ST6GALNAC5: variants seen among roughly 807,000 people sequenced by gnomAD.
ST6GALNAC5 encodes alpha-N-acetylgalactosaminide alpha-2,6-sialyltransferase 5.
In ST6GALNAC5, 27 loss-of-function variants were observed where a neutral mutation model predicts 33.6. The ratio of observed to expected loss-of-function variants is 0.80; its 90% CI spans 0.59 to 1.11. The LOEUF (loss-of-function observed/expected upper bound fraction) is 1.11, where lower values mean the gene tolerates loss of function less well. Ranked by LOEUF, ST6GALNAC5 falls within the 50% of genes least tolerant of loss-of-function variation. ST6GALNAC5 has a pLI of 0.00. For missense variants in ST6GALNAC5, 428 were observed against 454.0 expected, an observed-to-expected ratio of 0.94 and a Z score of 0.52; for synonymous variants, 194 against 171.2, an observed-to-expected ratio of 1.13 and a Z score of -1.04.
intron 2 of ST6GALNAC5, among the ~76,000 whole-genome samples, chr1:77,007,681 GCCAGAAGGCAGATGCAAA>G (rs1650475920): frequency 6.6e-6 from 1 of 152,232 alleles, no homozygotes; most frequent in Non-Finnish European, 1.5e-5. Flanking sequence ...GTATTTAAAT[GCCAGAAGGCAGATGCAAA>G]CCTGTGGGAG....
intron 2 of ST6GALNAC5, among the ~76,000 whole-genome samples, chr1:76,927,371 G>A (rs1024603560): frequency 6.6e-6 from 1 of 152,034 alleles, no homozygotes; most frequent in African/African-American, 2.4e-5. Flanking sequence ...AGGATAGTGA[G>A]GCGATGAAGA....
At chr1:76,872,275 C>T (rs1184857733) in intron 2 of ST6GALNAC5, among the ~76,000 whole-genome samples, 1 of 152,090 alleles carries the variant, frequency 6.6e-6, no homozygotes, top group Non-Finnish European at 1.5e-5. Flanking sequence ...AAACCGTGAG[C>T]TAATTCCCAT....
At chr1:76,893,821 C>T (rs974547158) in intron 2 of ST6GALNAC5, among the ~76,000 whole-genome samples, 38 of 152,022 alleles carry the variant, frequency 2.5e-4, no homozygotes, top group African/African-American at 8.7e-4. Context: ...CCACCAAATC[C>T]GGCTAATTTT....
chr1:77,024,655 C>T (rs1031850685), intron 2 of ST6GALNAC5, among the ~76,000 whole-genome samples: 5 of 152,276 alleles, frequency 3.3e-5, no homozygotes, highest in Middle Eastern at 3.4e-3. Flanking sequence ...CTAGGGATTT[C>T]GCAAGGGACT....
chr1:77,014,563 G>A (rs1650753932), intron 2 of ST6GALNAC5, among the ~76,000 whole-genome samples: 1 of 152,236 alleles, frequency 6.6e-6, no homozygotes, highest in Admixed American at 6.5e-5. Context: ...AATGGAATGT[G>A]TGCTTGTCCA....
At chr1:76,956,074 A>G (rs1345086342) in intron 2 of ST6GALNAC5, among the ~76,000 whole-genome samples, 1 of 152,176 alleles carries the variant, frequency 6.6e-6, no homozygotes, top group Non-Finnish European at 1.5e-5. Context: ...ATTGTAGGAA[A>G]TTGGGAAAAT....
At chr1:77,032,369 G>C (rs1044549687) in intron 2 of ST6GALNAC5, among the ~76,000 whole-genome samples, 1 of 152,166 alleles carries the variant, frequency 6.6e-6, no homozygotes, top group African/African-American at 2.4e-5. Context: ...TTAGAGGCAT[G>C]GCAGTGACTG....
intron 2 of ST6GALNAC5, among the ~76,000 whole-genome samples, chr1:76,905,656 G>A (rs948035379): frequency 6.6e-6 from 1 of 152,140 alleles, no homozygotes; most frequent in Non-Finnish European, 1.5e-5. Flanking sequence ...TCTATGTGTT[G>A]ATAATGACTA....
chr1:76,927,465 T>G (rs530847995), intron 2 of ST6GALNAC5, among the ~76,000 whole-genome samples: 1 of 152,172 alleles, frequency 6.6e-6, no homozygotes, highest in East Asian at 1.9e-4. Context: ...AACTGTTTCC[T>G]TTATCACTAT....
intron 2 of ST6GALNAC5, among the ~76,000 whole-genome samples, chr1:76,894,634 G>A (rs983593089): frequency 1.3e-5 from 2 of 152,196 alleles, no homozygotes; most frequent in Admixed American, 1.3e-4. Context: ...TCTTTCAGCA[G>A]TACAGCTTCA....
At chr1:76,910,372 A>AT (rs1389975954) in intron 2 of ST6GALNAC5, among the ~76,000 whole-genome samples, 4 of 151,964 alleles carry the variant, frequency 2.6e-5, no homozygotes, top group East Asian at 1.9e-4. Flanking sequence ...AAGATGTGTG[A>AT]TTTTTTTAAT....
chr1:76,974,207 C>CTT (rs766393000), intron 2 of ST6GALNAC5, among the ~76,000 whole-genome samples: 27 of 120,268 alleles, frequency 2.2e-4, no homozygotes, highest in Non-Finnish European at 2.8e-4. Context: ...TTGCTTTTCA[C>CTT]TTTTTTTTTT....
chr1:77,004,815 G>T (rs1454991138), intron 2 of ST6GALNAC5, among the ~76,000 whole-genome samples: 1 of 130,390 alleles, frequency 7.7e-6, no homozygotes, highest in Non-Finnish European at 1.8e-5. Context: ...GGGGTCAGGG[G>T]TCAGGGACCC....
intron 2 of ST6GALNAC5, among the ~76,000 whole-genome samples, chr1:77,041,699 C>G (rs1364151364): frequency 6.6e-6 from 1 of 152,214 alleles, no homozygotes; most frequent in South Asian, 2.1e-4. Flanking sequence ...ACTTTCTGGA[C>G]ATCTGGAATG....
intron 2 of ST6GALNAC5, among the ~76,000 whole-genome samples, chr1:76,887,112 C>T (rs1248762752): frequency 6.6e-6 from 1 of 152,072 alleles, no homozygotes; most frequent in East Asian, 1.9e-4. Context: ...CCATGGAGGC[C>T]GTGCTACTTC....
At chr1:76,917,276 T>C (rs939359930) in intron 2 of ST6GALNAC5, among the ~76,000 whole-genome samples, 2 of 152,108 alleles carry the variant, frequency 1.3e-5, no homozygotes, top group Non-Finnish European at 2.9e-5. Context: ...AAGATAAGTC[T>C]AAAAGAACCA....
At chr1:76,949,712 G>T (rs150835736) in intron 2 of ST6GALNAC5, among the ~76,000 whole-genome samples, 37 of 152,196 alleles carry the variant, frequency 2.4e-4, no homozygotes, top group South Asian at 1.9e-3. Context: ...TGATCAACTC[G>T]AGAGGCATCC....
chr1:76,929,630 A>C (rs1647119108), intron 2 of ST6GALNAC5, among the ~76,000 whole-genome samples: 1 of 152,128 alleles, frequency 6.6e-6, no homozygotes, highest in Admixed American at 6.5e-5. Context: ...GTGCATTACG[A>C]TAGCTGCTAG....
rs74090518 is a variant in ST6GALNAC5 at position 76,953,828 on chromosome 1, T to G, written c.261+85086T>G. ...ATCCATTATGAATTAATTTTTCATG[T>G]GGTGTGAGGTTTTAAATCAAGGTTC... On this transcript the variant is annotated intron_variant, in intron 2 of 4. Coordinates refer to ENST00000477717, the MANE Select transcript of ST6GALNAC5 (RefSeq NM_030965.3). Among the ~76,000 whole-genome samples the G allele has an allele frequency of 3.8e-3, 586 of 152,282 alleles. 5 individuals carry two copies. The highest frequency in any genetic ancestry group is 0.014 in the African/African-American group (562 of 41,576).
Sources: allele counts gnomAD v4.1 joint callset (sites outside exome capture counted in the v4.1 genomes callset), GRCh38; gene constraint gnomAD v4.1.1; transcripts MANE v1.5; gene names NCBI Gene and HGNC (gene_info 2026-07-23, HGNC 2026-07-21).